Variants in PLEKHB2 observed in about 807,000 individuals in gnomAD.
PLEKHB2 encodes pleckstrin homology domain-containing family B member 2.
Under a neutral mutation model 36.5 loss-of-function variants are expected in PLEKHB2, and 31 were observed. The observed-to-expected ratio is 0.85, with a 90% CI of 0.64 to 1.15. The LOEUF (loss-of-function observed/expected upper bound fraction) is 1.15. Among genes scored for constraint, PLEKHB2 ranks in the 50% most tolerant of loss-of-function variants. The pLI is 0.00. For missense variants in PLEKHB2, 262 were observed against 295.3 expected, an observed-to-expected ratio of 0.89 and a Z score of 0.83; for synonymous variants, 119 against 112.0, an observed-to-expected ratio of 1.06 and a Z score of -0.39.
At chr2:131,126,905 C>CT in intron 4 of PLEKHB2, 119 bp downstream of exon 4, 1 of 637,634 alleles carries the variant, frequency 1.6e-6, no homozygotes, top group Non-Finnish European at 2.8e-6. Context: ...ATAAGGGACT[C>CT]AGTGGATGTA....
At chr2:131,130,383 A>T (rs557239267) in intron 4 of PLEKHB2, among the ~76,000 whole-genome samples, 1 of 152,190 alleles carries the variant, frequency 6.6e-6, no homozygotes, top group East Asian at 1.9e-4. Flanking sequence ...GCTAATCTAA[A>T]TTTTTTACTC....
At chr2:131,142,568 T>C (rs1471297721) in intron 7 of PLEKHB2, among the ~76,000 whole-genome samples, 1 of 150,916 alleles carries the variant, frequency 6.6e-6, no homozygotes, top group Non-Finnish European at 1.5e-5. Flanking sequence ...ATATGTTTCT[T>C]TTTTTTTCTT....
chr2:131,140,916 T>A (rs1573628218), intron 7 of PLEKHB2, among the ~76,000 whole-genome samples: 1 of 152,246 alleles, frequency 6.6e-6, no homozygotes, highest in African/African-American at 2.4e-5. Context: ...GCAGGCGCAG[T>A]GGGCACAGCA....
chr2:131,120,971 G>A lies in PLEKHB2; in HGVS notation c.30G>A (p.Leu10=). ...CGTTTGTGAAGAGTGGCTGGTTGCT[G>A]CGACAGAGTGAGTACAGGATGTGCG... The part of the protein sequence containing the change: MAFVKSGWL[L]RQSTILKRWK... The change falls in exon 2 of 8, where the codon CTG becomes CTA. Residue 10 remains leucine (L), a synonymous_variant. Transcript: ENST00000693505. 1 of 1,614,176 alleles carries A rather than the reference G, an allele frequency of 6.2e-7. No individual in the cohort carries two copies. Among genetic ancestry groups the A allele is most frequent in the Non-Finnish European group, 8.5e-7 (1 of 1,179,968 alleles).
At position 131,146,616 on chromosome 2, in the gene PLEKHB2, G is replaced by T. The variant is rs182847712; in HGVS notation, c.533-21G>T. 417 of 1,598,996 alleles carry T rather than the reference G, an allele frequency of 2.6e-4. 1 individual carries two copies. The African/African-American group carries it at 4.7e-3, about 18-fold the overall frequency. On this transcript the variant is annotated intron_variant, in intron 7 of 7. Coordinates refer to ENST00000693505, the MANE Select transcript of PLEKHB2 (RefSeq NM_001100623.2). ...TTCACAAACCGCTGCTCAGAAATCT[G>T]CTATTTTCCTTCTCTTTTAGGACTT...
chr2:131,141,639 CAA>C (rs771541896), intron 7 of PLEKHB2, among the ~76,000 whole-genome samples: 121 of 57,122 alleles, frequency 2.1e-3, no homozygotes, highest in African/African-American at 5.5e-3. Flanking sequence ...GACTCCGTCT[CAA>C]AAAAAAAAAA....
rs1365897755 is a variant in PLEKHB2 at position 131,147,894 on chromosome 2, TCTG to T, written c.*1123_*1125del. 6.6e-6 allele frequency: 1 copy of T among 152,202 alleles called. No homozygotes were observed. The highest frequency in any genetic ancestry group is 1.5e-5 in the Non-Finnish European group (1 of 68,060). The allele number at this position is 152,202 out of a possible 1,614,324, so 9.4% of individuals were successfully genotyped here. A position where few individuals can be genotyped will look rare whatever the true frequency, so the allele number is the denominator to read the frequency against. On this transcript the variant is annotated 3_prime_UTR_variant, in exon 8 of 8. Transcript: ENST00000693505. ...TTCCAAGAGGCTGTTTGAGTGTGTG[TCTG>T]CCTAAGCCTCCTTATAGCCTATTTT... is the stretch of plus-strand genomic sequence containing the variant.
At chr2:131,129,676 G>A (rs1697467406) in intron 4 of PLEKHB2, among the ~76,000 whole-genome samples, 1 of 55,272 alleles carries the variant, frequency 1.8e-5, no homozygotes, top group Non-Finnish European at 6.7e-5. Context: ...AGCTAATTTT[G>A]TGTTTTTAGT....
intron 6 of PLEKHB2, among the ~76,000 whole-genome samples, chr2:131,134,195 G>A (rs971209569): frequency 1.3e-5 from 2 of 151,140 alleles, no homozygotes; most frequent in African/African-American, 2.4e-5. Context: ...CACTGCACCC[G>A]GCCCTTTTGA....
rs772971609 is a variant in PLEKHB2, at chr2:131,132,966, C to T, written c.398C>T (p.Thr133Met). 31 of 1,613,750 alleles carry T rather than the reference C, an allele frequency of 1.9e-5. No individual in the cohort carries two copies. Among genetic ancestry groups the T allele is most frequent in the Middle Eastern group, 3.3e-4 (2 of 6,062 alleles). Reference protein sequence around the residue: ...TSVVSSPPPYTAYAAPAPEQA... With the variant: ...TSVVSSPPPYMAYAAPAPEQA... ...GTGGTTTCCTCACCTCCACCATACACGGCCTATGCTGCACCGGCCCCTGAG... is the reference window on the plus strand; with the variant it reads ...GTGGTTTCCTCACCTCCACCATACATGGCCTATGCTGCACCGGCCCCTGAG... The change falls in exon 6 of 8, where the codon ACG becomes ATG. Residue 133 changes from threonine (T) to methionine (M), a missense_variant. Coordinates refer to ENST00000693505, the MANE Select transcript of PLEKHB2 (RefSeq NM_001100623.2).
chr2:131,111,296 G>C (rs1246619430), intron 1 of PLEKHB2, among the ~76,000 whole-genome samples: 1 of 149,916 alleles, frequency 6.7e-6, no homozygotes, highest in Non-Finnish European at 1.5e-5. Context: ...ATGAGCCACT[G>C]TGCCCAGCCA....
intron 5 of PLEKHB2, among the ~76,000 whole-genome samples, chr2:131,132,222 A>G (rs181394340): frequency 1.1e-4 from 16 of 152,280 alleles, no homozygotes; most frequent in African/African-American, 3.6e-4. Context: ...TAAGGTAAAA[A>G]ACAGACTTAT....
chr2:131,125,612 G>T, intron 2 of PLEKHB2, 141 bp from the exon 3 acceptor site: 1 of 631,938 alleles, frequency 1.6e-6, no homozygotes, highest in South Asian at 2.1e-5. Flanking sequence ...GGCTGAAATG[G>T]GAGGATTGCT....
chr2:131,117,977 G>T (rs1696058918), intron 1 of PLEKHB2, among the ~76,000 whole-genome samples: 1 of 152,162 alleles, frequency 6.6e-6, no homozygotes, highest in Non-Finnish European at 1.5e-5. Flanking sequence ...GATTGTTTTA[G>T]GATATTTTAG....
chr2:131,144,372 C>G, intron 7 of PLEKHB2: 1 of 1,157,496 alleles, frequency 8.6e-7, no homozygotes, highest in East Asian at 3.2e-5. Flanking sequence ...TTTGAGTTGG[C>G]TCCTTTGGTT....
intron 1 of PLEKHB2, among the ~76,000 whole-genome samples, chr2:131,110,923 T>C (rs1248632032): frequency 6.6e-6 from 1 of 152,208 alleles, no homozygotes; most frequent in African/African-American, 2.4e-5. Context: ...TCTAGAAATG[T>C]GTTATCCTGT....
intron 4 of PLEKHB2, among the ~76,000 whole-genome samples, chr2:131,129,848 GT>G (rs908627943): frequency 2.0e-5 from 3 of 152,026 alleles, no homozygotes; most frequent in Admixed American, 2.0e-4. Flanking sequence ...CAGATATCTA[GT>G]TTTTTTTGAC....
intron 1 of PLEKHB2, among the ~76,000 whole-genome samples, chr2:131,115,860 C>G (rs1156482765): frequency 6.6e-6 from 1 of 152,158 alleles, no homozygotes; most frequent in Non-Finnish European, 1.5e-5. Context: ...TTGAAAGCAT[C>G]TGTGCTTTTT....
At chr2:131,126,480 T>G (rs1261166846) in intron 3 of PLEKHB2, among the ~76,000 whole-genome samples, 1 of 152,124 alleles carries the variant, frequency 6.6e-6, no homozygotes, top group Non-Finnish European at 1.5e-5. Flanking sequence ...GAGCCGAATA[T>G]ATTTTGTGGA....
Sources: gnomAD v4.1 joint callset for allele counts (sites outside exome capture counted in the v4.1 genomes callset) on GRCh38, gnomAD v4.1.1 for gene constraint, MANE v1.5 for transcripts, NCBI Gene and HGNC (gene_info 2026-07-23, HGNC 2026-07-21) for gene names.